MAK: variants seen among roughly 807,000 people sequenced by gnomAD.
MAK encodes male germ cell associated kinase.
MAK carries 65 observed loss-of-function variants against 82.6 expected under a neutral mutation model. The observed-to-expected ratio is 0.79, with a 90% CI of 0.64 to 0.97. The LOEUF (loss-of-function observed/expected upper bound fraction) is 0.97. MAK is among the 50% of genes least tolerant of loss of function. The pLI, the probability that MAK is intolerant of heterozygous loss-of-function variation, is 0.00. For synonymous variants in MAK, 250 were observed against 274.2 expected (o/e 0.91, Z 0.87); for missense variants, 703 against 780.2 (o/e 0.90, Z 1.18).
chr6:10,823,615 C>T (rs1478465766), intron 2 of MAK, among the ~76,000 whole-genome samples: 1 of 152,134 alleles, frequency 6.6e-6, no homozygotes, highest in African/African-American at 2.4e-5. Context: ...CTGCAACCTC[C>T]GCCTCCTGGG....
intron 14 of MAK, among the ~76,000 whole-genome samples, chr6:10,766,585 TA>T (rs1772454284): frequency 1.3e-5 from 2 of 152,250 alleles, no homozygotes; most frequent in Non-Finnish European, 2.9e-5. Context: ...GCCCTTTAGT[TA>T]TAGCCATTGG....
chr6:10,773,690 AT>A (rs34702806), intron 12 of MAK, among the ~76,000 whole-genome samples: 403 of 136,714 alleles, frequency 2.9e-3, no homozygotes, highest in East Asian at 6.3e-3. Context: ...ACTATTAGTG[AT>A]TTTTTTTTTT....
In MAK at chr6:10,788,398, T is replaced by G. The variant is rs976043593; in HGVS notation, c.1316+3277A>C. On this transcript the variant is annotated intron_variant, in intron 10 of 14. Transcript: ENST00000354489. ...ATGAATAATTATAAATAATTATGAA[T>G]AAAATTTAGCTGAAATCAGAATGAC... 2.0e-5 allele frequency among the ~76,000 whole-genome samples: 3 copies of G among 152,272 alleles called. No individual in the cohort carries two copies. In the South Asian group the frequency reaches 6.2e-4, roughly 32 times the overall value.
chr6:10,814,749 A>G (rs961823937), intron 4 of MAK, among the ~76,000 whole-genome samples: 2 of 152,034 alleles, frequency 1.3e-5, no homozygotes, highest in Non-Finnish European at 2.9e-5. Context: ...GTTGTCCAGT[A>G]GAAATATAAG....
chr6:10,784,381 CTA>C, intron 11 of MAK, 41 bp downstream of exon 11: 1 of 1,609,052 alleles, frequency 6.2e-7, no homozygotes, highest in African/African-American at 1.3e-5. Context: ...CCTGACCTAT[CTA>C]TACTCTAGTT....
chr6:10,836,139 A>C (rs1290563090), intron 1 of MAK, among the ~76,000 whole-genome samples: 1 of 152,086 alleles, frequency 6.6e-6, no homozygotes, highest in East Asian at 1.9e-4. Context: ...AGGGAAGAAT[A>C]AGCAAGGAAC....
intron 14 of MAK, among the ~76,000 whole-genome samples, chr6:10,766,703 C>T (rs1037891154): frequency 4.6e-5 from 7 of 151,834 alleles, no homozygotes; most frequent in East Asian, 3.9e-4. Flanking sequence ...GAGTAGAGAG[C>T]GGGGAGAGAG....
rs928139964 is a variant in MAK at position 10,838,491 on chromosome 6, C to T, written c.-230+12G>A. ...GCCCGCTGGGGATTACCTGTCCGCGCCTGCTGCTTACCTCGTTCGCTCCCT... is the reference window on the plus strand; with the variant it reads ...GCCCGCTGGGGATTACCTGTCCGCGTCTGCTGCTTACCTCGTTCGCTCCCT... On this transcript the variant is annotated intron_variant, in intron 1 of 14. Transcript: ENST00000354489. 6.6e-6 allele frequency: 1 copy of T among 152,284 alleles called. No homozygotes were observed. The highest frequency in any genetic ancestry group is 2.4e-5 in the African/African-American group (1 of 41,458). 9.4% of individuals were successfully genotyped at this position (152,284 alleles called of 1,614,324 possible). A position where few individuals can be genotyped will look rare whatever the true frequency, so the allele number is the denominator to read the frequency against.
In MAK at chr6:10,764,543, G is replaced by A. The variant is rs1772218529; in HGVS notation, c.1856C>T (p.Ala619Val). ...ACGGTTCACAATATTTAGGTTTTTTGCTGTAGGATTATAAGTACGTCCTGA... is the reference window on the plus strand; with the variant it reads ...ACGGTTCACAATATTTAGGTTTTTTACTGTAGGATTATAAGTACGTCCTGA... ...QFSGRTYNPT[A>V]KNLNIVNRAQ... Residue 619 changes from alanine (A) to valine (V), a missense_variant, in exon 15 of 15, where the codon GCA becomes GTA. Coordinates refer to ENST00000354489, the MANE Select transcript of MAK (RefSeq NM_001242957.3). The A allele has an allele frequency of 6.2e-7, 1 of 1,613,888 alleles. No homozygotes were observed. The highest frequency in any genetic ancestry group is 1.3e-5 in the African/African-American group (1 of 74,880).
intron 2 of MAK, among the ~76,000 whole-genome samples, chr6:10,822,306 G>T (rs939831594): frequency 4.0e-5 from 6 of 151,540 alleles, no homozygotes; most frequent in East Asian, 3.9e-4. Context: ...ATACAAAAAT[G>T]AGCTGGGCAT....
chr6:10,801,728 T>C (rs1776031946), intron 8 of MAK, among the ~76,000 whole-genome samples, 164 bp downstream of exon 8: 2 of 152,254 alleles, frequency 1.3e-5, no homozygotes, highest in African/African-American at 4.8e-5. Context: ...TGATATTATA[T>C]GCCTAGAAAT....
chr6:10,835,990 C>G (rs149596202), intron 1 of MAK, among the ~76,000 whole-genome samples: 1 of 152,342 alleles, frequency 6.6e-6, no homozygotes, highest in East Asian at 1.9e-4. Context: ...TCGACCCAAG[C>G]CTGCGTGCAC....
Position 10,804,135 on chromosome 6 carries a change from A to T in MAK, c.492-244T>A, listed in dbSNP as rs561975516. ...CTATGAAATGTCCATCAAGCCTAAG[A>T]CAGGAACTCAACTGAATAGATATGG... On this transcript the variant is annotated intron_variant, in intron 6 of 14. Coordinates refer to ENST00000354489, the MANE Select transcript of MAK (RefSeq NM_001242957.3). 2.8e-4 allele frequency among the ~76,000 whole-genome samples: 43 copies of T among 152,326 alleles called. 1 individual carries two copies. In the South Asian group the frequency reaches 8.9e-3, roughly 32 times the overall value.
rs1581669836 is a variant in MAK, at chr6:10,783,935, C to T, written c.1465+489G>A. On this transcript the variant is annotated intron_variant, in intron 11 of 14. Transcript: ENST00000354489. Reference sequence around the variant, plus strand: ...TCGGGAGGCTGAGGCAGGAGAATGGCTTAAACCTGGGAGGTGGAGGTTGCA... The same window carrying T: ...TCGGGAGGCTGAGGCAGGAGAATGGTTTAAACCTGGGAGGTGGAGGTTGCA... 2.6e-5 allele frequency among the ~76,000 whole-genome samples: 4 copies of T among 152,210 alleles called. 1 individual carries two copies. Among genetic ancestry groups the T allele is most frequent in the Admixed American group, 2.6e-4 (4 of 15,294 alleles).
In MAK at chr6:10,796,273, A is replaced by G. The variant is rs1775550548; in HGVS notation, c.868T>C (p.Leu290=). 6.2e-7 allele frequency: 1 copy of G among 1,614,112 alleles called. No individual in the cohort carries two copies. The highest frequency in any genetic ancestry group is 8.5e-7 in the Non-Finnish European group (1 of 1,180,030). ...TCCAGATGATTTGACGAAGGGCCTA[A>G]TACCTGACCAACTTGAAAATATGGG... ...KHPYFQVGQV[L]GPSSNHLESK... The change falls in exon 9 of 15, where the codon TTA becomes CTA. Residue 290 remains leucine, a synonymous_variant. Coordinates refer to ENST00000354489, the MANE Select transcript of MAK (RefSeq NM_001242957.3).
intron 2 of MAK, among the ~76,000 whole-genome samples, chr6:10,830,213 T>C (rs1218780161): frequency 2.0e-5 from 3 of 151,230 alleles, no homozygotes; most frequent in Non-Finnish European, 4.4e-5. Flanking sequence ...TCACCCAGGC[T>C]GGAGTGCGGT....
At chr6:10,784,360 A>G (rs1699069067) in intron 11 of MAK, 64 bp downstream of exon 11, 2 of 1,571,814 alleles carry the variant, frequency 1.3e-6, no homozygotes, top group Admixed American at 1.7e-5. Context: ...GGAGATTCCA[A>G]GACACTTGAA....
Position 10,814,381 on chromosome 6 carries a change from AGAGATG to A in MAK, c.279-664_279-659del, listed in dbSNP as rs1777297489. Among the ~76,000 whole-genome samples the A allele has an allele frequency of 2.6e-5, 4 of 152,172 alleles. No individual in the cohort carries two copies. The South Asian group carries it at 6.2e-4, about 24-fold the overall frequency. On this transcript the variant is annotated intron_variant, in intron 4 of 14. Coordinates refer to ENST00000354489, the MANE Select transcript of MAK (RefSeq NM_001242957.3). ...GTATTATGCAGGCTTGAAGAATTTGAGAGATGGCCGGATGTGGTGGCTAATGCCTAT... is the reference window on the plus strand; with the variant it reads ...GTATTATGCAGGCTTGAAGAATTTGAGCCGGATGTGGTGGCTAATGCCTAT...
chr6:10,796,666 C>T (rs755596122), intron 8 of MAK, among the ~76,000 whole-genome samples: 3 of 151,924 alleles, frequency 2.0e-5, no homozygotes, highest in Admixed American at 6.6e-5. Context: ...ATTAGCCAGG[C>T]GTGTTGGTGG....
Sources: allele counts gnomAD v4.1 joint callset (sites outside exome capture counted in the v4.1 genomes callset), GRCh38; gene constraint gnomAD v4.1.1; transcripts MANE v1.5; gene names NCBI Gene and HGNC (gene_info 2026-07-23, HGNC 2026-07-21).